Variants in RERE observed in about 807,000 individuals in gnomAD.
RERE encodes the protein arginine-glutamic acid dipeptide repeats protein.
RERE carries 40 observed loss-of-function variants against 146.1 expected under a neutral mutation model. That is an observed-to-expected ratio of 0.27 (90% CI 0.21 to 0.36). RERE has a LOEUF of 0.36. Ranked by LOEUF, RERE falls within the 10% of genes least tolerant of loss-of-function variation. The probability of loss-of-function intolerance (pLI) is 1.00; values close to 1 mark genes in which losing one functional copy is unlikely to be tolerated. For missense variants in RERE, 1,933 were observed against 2,138.7 expected (o/e 0.90, Z 1.90); for synonymous variants, 1,003 against 866.0 (o/e 1.16, Z -2.78).
At chr1:8,416,902 T>C (rs1282675077) in intron 12 of RERE, among the ~76,000 whole-genome samples, 1 of 152,200 alleles carries the variant, frequency 6.6e-6, no homozygotes, top group Non-Finnish European at 1.5e-5. Context: ...GGACAGGGCC[T>C]GAGAATCTTC....
intron 12 of RERE, among the ~76,000 whole-genome samples, chr1:8,390,162 A>G (rs1200014995): frequency 1.3e-5 from 2 of 152,174 alleles, no homozygotes; most frequent in Non-Finnish European, 2.9e-5. Context: ...CATGTGCCAC[A>G]ACCAACCACG....
chr1:8,689,746 T>C (rs778553877), intron 1 of RERE, among the ~76,000 whole-genome samples: 1 of 148,788 alleles, frequency 6.7e-6, no homozygotes, highest in Non-Finnish European at 1.5e-5. Context: ...CAAATTAAGG[T>C]GCCCATCGAA....
intron 1 of RERE, among the ~76,000 whole-genome samples, chr1:8,730,432 T>C (rs922934043): frequency 6.6e-6 from 1 of 152,180 alleles, no homozygotes; most frequent in African/African-American, 2.4e-5. Flanking sequence ...GAGCTCCGCC[T>C]CCCGGGTTCA....
intron 1 of RERE, among the ~76,000 whole-genome samples, chr1:8,720,327 C>T (rs1639838387): frequency 6.6e-6 from 1 of 151,320 alleles, no homozygotes; most frequent in African/African-American, 2.4e-5. Flanking sequence ...AGTAGAAAGA[C>T]ACTCCTGACC....
intron 19 of RERE, among the ~76,000 whole-genome samples, chr1:8,359,409 G>C (rs1386686996): frequency 1.3e-5 from 2 of 152,204 alleles, no homozygotes; most frequent in Admixed American, 6.5e-5. Flanking sequence ...TGAGTGCTCA[G>C]GTCTTCTCTC....
At chr1:8,547,147 G>A (rs1411430787) in intron 6 of RERE, among the ~76,000 whole-genome samples, 2 of 150,192 alleles carry the variant, frequency 1.3e-5, no homozygotes, top group Non-Finnish European at 3.0e-5. Flanking sequence ...AAAAAAGAGG[G>A]GAACATATAT....
rs562891164 is a variant in RERE at position 8,579,807 on chromosome 1, C to T, written c.523-22284G>A. Among the ~76,000 whole-genome samples, 32 of 152,320 alleles carry T rather than the reference C, an allele frequency of 2.1e-4. No homozygotes were observed. The South Asian group carries it at 2.7e-3, about 13-fold the overall frequency. ...TCACCGGAGGTCAGGAGTTCGAGACCGGCCTGGCCAACATGGTAAAACCCC... is the reference window on the plus strand; with the variant it reads ...TCACCGGAGGTCAGGAGTTCGAGACTGGCCTGGCCAACATGGTAAAACCCC... On this transcript the variant is annotated intron_variant, in intron 4 of 22. Transcript: ENST00000400908.
rs891937909 is a variant in RERE, at chr1:8,352,868, C to A, written c.*2219G>T. 3.3e-4 allele frequency: 51 copies of A among 152,522 alleles called. No individual in the cohort carries two copies. The highest frequency in any genetic ancestry group is 1.2e-3 in the African/African-American group (50 of 41,440). The allele number at this position is 152,522 out of a possible 1,614,324, so 9.4% of individuals were successfully genotyped here. On this transcript the variant is annotated 3_prime_UTR_variant, in exon 23 of 23. Coordinates refer to ENST00000400908, the MANE Select transcript of RERE (RefSeq NM_001042681.2). The stretch of plus-strand genomic sequence containing the variant: ...AAAGCAAAGCTAACAAGAATGCCTT[C>A]GGACGGCTTTCAAGCACAGACCTCA...
intron 2 of RERE, 23 bp downstream of exon 2, chr1:8,655,950 G>A: frequency 2.5e-6 from 4 of 1,605,574 alleles, no homozygotes; most frequent in Non-Finnish European, 3.4e-6. Flanking sequence ...ACATTGGCAA[G>A]ACCCAAACGT....
At chr1:8,607,362 C>CAA (rs1358829755) in intron 4 of RERE, among the ~76,000 whole-genome samples, 1,252 of 84,070 alleles carry the variant, frequency 0.015, 23 homozygotes, top group African/African-American at 0.047. Flanking sequence ...ACCCTGTCTC[C>CAA]AAAAAAAAAA....
At chr1:8,807,867 G>GT (rs1454634933) in intron 1 of RERE, among the ~76,000 whole-genome samples, 1 of 152,146 alleles carries the variant, frequency 6.6e-6, no homozygotes, top group Non-Finnish European at 1.5e-5. Context: ...TGGAGCTTAA[G>GT]TAATATGATG....
chr1:8,390,726 A>G (rs1642858131), intron 12 of RERE, among the ~76,000 whole-genome samples: 1 of 152,172 alleles, frequency 6.6e-6, no homozygotes, highest in African/African-American at 2.4e-5. Context: ...CCATAAAACA[A>G]ACATACATCT....
intron 12 of RERE, among the ~76,000 whole-genome samples, chr1:8,413,754 G>A (rs1643679738): frequency 6.6e-6 from 1 of 151,184 alleles, no homozygotes; most frequent in Non-Finnish European, 1.5e-5. Context: ...CAGCAAGACC[G>A]TTAGAAATGA....
intron 10 of RERE, among the ~76,000 whole-genome samples, chr1:8,469,554 C>G (rs1644652643): frequency 6.6e-6 from 1 of 152,130 alleles, no homozygotes; most frequent in African/African-American, 2.4e-5. Context: ...ACCCAGGCGG[C>G]AGAGGTTGCA....
At chr1:8,732,827 T>G (rs1640117873) in intron 1 of RERE, among the ~76,000 whole-genome samples, 8 of 132,368 alleles carry the variant, frequency 6.0e-5, no homozygotes, top group South Asian at 2.4e-4. Context: ...TTTTTTTTTT[T>G]TTTTTTTTGG....
rs534003954 is a variant in RERE, at chr1:8,404,244, C to T, written c.1284+18483G>A. Among the ~76,000 whole-genome samples, 30 of 152,100 alleles carry T rather than the reference C, an allele frequency of 2.0e-4. No homozygotes were observed. The East Asian group carries it at 5.0e-3, about 26-fold the overall frequency. On this transcript the variant is annotated intron_variant, in intron 12 of 22. Coordinates refer to ENST00000400908, the MANE Select transcript of RERE (RefSeq NM_001042681.2). ...GGAGATTGAGACCACGGTGAAACCC[C>T]GTCTCTATTAAAAATATAAAAAATT...
At chr1:8,671,835 A>C (rs909206005) in intron 1 of RERE, among the ~76,000 whole-genome samples, 1 of 152,254 alleles carries the variant, frequency 6.6e-6, no homozygotes, top group African/African-American at 2.4e-5. Context: ...CAAATAGAGC[A>C]ACATTTATAT....
At position 8,805,368 on chromosome 1, in the gene RERE, GCCAGGTGCAGTGGCT is replaced by G. The variant is rs372251709; in HGVS notation, c.-145+11777_-145+11791del. Among the ~76,000 whole-genome samples the G allele has an allele frequency of 7.8e-4, 119 of 152,152 alleles. 5 individuals are homozygous for G. In the East Asian group the frequency reaches 0.02, roughly 26 times the overall value. On this transcript the variant is annotated intron_variant, in intron 1 of 22. Coordinates refer to ENST00000400908, the MANE Select transcript of RERE (RefSeq NM_001042681.2). ...TCTCTACTAAAAATACAAAAATTAA[GCCAGGTGCAGTGGCT>G]CTCGCCTATAATCCCAGCACTTTGG... is the stretch of plus-strand genomic sequence containing the variant.
intron 12 of RERE, among the ~76,000 whole-genome samples, chr1:8,369,508 T>TTAAAAAAAAAAAAAAA (rs1285019668): frequency 3.9e-5 from 3 of 76,892 alleles, no homozygotes; most frequent in Admixed American, 1.7e-4. Flanking sequence ...CGCCTTTTAC[T>TTAAAAAAAAAAAAAAA]AAAAAAAAAA....
Sources: allele counts gnomAD v4.1 joint callset (sites outside exome capture counted in the v4.1 genomes callset), GRCh38; gene constraint gnomAD v4.1.1; transcripts MANE v1.5; gene names NCBI Gene and HGNC (gene_info 2026-07-23, HGNC 2026-07-21).